The following TMOD2 variants were observed in gnomAD, a reference collection of about 807,000 sequenced individuals.
TMOD2 encodes the protein tropomodulin-2.
In TMOD2, 22 loss-of-function variants were observed where a neutral mutation model predicts 39.9. The ratio of observed to expected loss-of-function variants is 0.55; its 90% confidence interval spans 0.39 to 0.79. The LOEUF is 0.79. Ranked by LOEUF, TMOD2 falls within the 30% of genes least tolerant of loss-of-function variation. The pLI, the probability that TMOD2 is intolerant of heterozygous loss-of-function variation, is 0.00. For missense variants in TMOD2, 386 were observed against 413.3 expected, an observed-to-expected ratio of 0.93 and a Z score of 0.57; for synonymous variants, 123 against 146.1, an observed-to-expected ratio of 0.84 and a Z score of 1.14.
intron 7 of TMOD2, among the ~76,000 whole-genome samples, chr15:51,788,705 A>G (rs550317305): frequency 1.3e-4 from 20 of 152,356 alleles, no homozygotes; most frequent in Admixed American, 3.3e-4. Context: ...CCAATATTCA[A>G]CATTCTTAAA....
Position 51,798,264 on chromosome 15 carries a change from C to A in TMOD2, c.800C>A (p.Thr267Asn), listed in dbSNP as rs372480257. The A allele has an allele frequency of 3.7e-5, 60 of 1,613,666 alleles. No individual in the cohort carries two copies. In the Middle Eastern group the frequency reaches 8.2e-4, roughly 22 times the overall value. ...TSLNIESNFITGTGILALVEA... is the reference protein window; with the variant it reads ...TSLNIESNFINGTGILALVEA... The stretch of plus-strand genomic sequence containing the variant: ...CTAAACATAGAATCCAATTTTATCA[C>A]TGGAACTGGGATCCTGGCCCTGGTA... Residue 267 changes from threonine to asparagine, a missense_variant, in exon 8 of 10, where the codon ACT becomes AAT. Coordinates refer to ENST00000249700, the MANE Select transcript of TMOD2 (RefSeq NM_014548.4).
chr15:51,807,964 GT>G (rs2056131604), intron 9 of TMOD2, among the ~76,000 whole-genome samples: 1 of 152,186 alleles, frequency 6.6e-6, no homozygotes, highest in Non-Finnish European at 1.5e-5. Flanking sequence ...ATACTTAGAA[GT>G]TTTTATTTAG....
chr15:51,800,997 G>A (rs770379252), intron 8 of TMOD2, among the ~76,000 whole-genome samples: 6 of 152,072 alleles, frequency 3.9e-5, no homozygotes, highest in Non-Finnish European at 7.4e-5. Context: ...GAGCCCCACC[G>A]CGCCTAGCCT....
rs76634977 is a variant in TMOD2 at position 51,754,661 on chromosome 15, C to A, written c.-70+2949C>A. 8.1e-3 allele frequency among the ~76,000 whole-genome samples: 1,231 copies of A among 152,312 alleles called. 21 individuals carry two copies. The highest frequency in any genetic ancestry group is 0.028 in the African/African-American group (1,167 of 41,562). ...CTCTCAGTCAGTATTCCCCAAAATA[C>A]ATAGAATGTTAATGGGTTACAAGAA... On this transcript the variant is annotated intron_variant, in intron 1 of 9. Transcript: ENST00000249700.
intron 8 of TMOD2, among the ~76,000 whole-genome samples, chr15:51,803,584 G>A (rs2056104077): frequency 6.6e-6 from 1 of 152,140 alleles, no homozygotes; most frequent in Non-Finnish European, 1.5e-5. Flanking sequence ...GAAGAGTAGA[G>A]AGGCTTCCTA....
In TMOD2 at chr15:51,765,988, T is replaced by C. The variant is rs150020254; in HGVS notation, c.-69-385T>C. On this transcript the variant is annotated intron_variant, in intron 1 of 9. Coordinates refer to ENST00000249700, the MANE Select transcript of TMOD2 (RefSeq NM_014548.4). ...TGCATTGTTCTCCCCTGTTTTTCTATGGAGAGCCAGGGAAGGCAGAGTAGT... is the reference window on the plus strand; with the variant it reads ...TGCATTGTTCTCCCCTGTTTTTCTACGGAGAGCCAGGGAAGGCAGAGTAGT... Among the ~76,000 whole-genome samples, 259 of 152,340 alleles carry C rather than the reference T, an allele frequency of 1.7e-3. 10 individuals are homozygous for C. The highest frequency in any genetic ancestry group is 0.017 in the East Asian group (87 of 5,184).
chr15:51,753,506 C>T (rs979330532), intron 1 of TMOD2, among the ~76,000 whole-genome samples: 10 of 150,998 alleles, frequency 6.6e-5, no homozygotes, highest in African/African-American at 2.4e-4. Context: ...TCAAGTGATA[C>T]AATAGTGAAT....
At chr15:51,799,409 A>G (rs945758960) in intron 8 of TMOD2, among the ~76,000 whole-genome samples, 19 of 152,270 alleles carry the variant, frequency 1.2e-4, no homozygotes, top group African/African-American at 4.6e-4. Context: ...GGAAACCCTC[A>G]ACAGTTCCTA....
chr15:51,788,361 T>C (rs555686073), intron 7 of TMOD2, among the ~76,000 whole-genome samples: 13 of 152,188 alleles, frequency 8.5e-5, no homozygotes, highest in African/African-American at 3.1e-4. Flanking sequence ...CTCCAAGAAA[T>C]ATGGGAGTAT....
rs374026059 is a variant in TMOD2, at chr15:51,768,260, A to C, written c.127-2A>C. On this transcript the variant is annotated splice_acceptor_variant, in intron 2 of 9. Coordinates refer to ENST00000249700, the MANE Select transcript of TMOD2 (RefSeq NM_014548.4). LOFTEE classifies it high-confidence loss of function. ...TTCCTGCTCACACCTCTTTCTTGTC[A>C]GAGTGCCATGCTGCCAGCTGGATTT... The C allele has an allele frequency of 1.9e-6, 3 of 1,614,046 alleles. No individual in the cohort carries two copies. The highest frequency in any genetic ancestry group is 2.5e-6 in the Non-Finnish European group (3 of 1,179,934).
Position 51,772,484 on chromosome 15 carries a change from A to G in TMOD2, c.284-1228A>G, listed in dbSNP as rs534700301. ...CTGTGCCATCCTCCTGGGTATGGCA[A>G]TGTTATTTCATCAGTCCAGAAGTTT... On this transcript the variant is annotated intron_variant, in intron 3 of 9. Transcript: ENST00000249700. Among the ~76,000 whole-genome samples the G allele has an allele frequency of 1.5e-4, 23 of 152,252 alleles. 1 individual carries two copies. Among genetic ancestry groups the G allele is most frequent in the Admixed American group, 9.2e-4 (14 of 15,290 alleles).
At chr15:51,780,580 C>T (rs936828796) in intron 5 of TMOD2, among the ~76,000 whole-genome samples, 1 of 152,110 alleles carries the variant, frequency 6.6e-6, no homozygotes, top group African/African-American at 2.4e-5. Context: ...CCCATACCTT[C>T]CTTAAAACTA....
chr15:51,756,795 C>T (rs1050611094), intron 1 of TMOD2, among the ~76,000 whole-genome samples: 3 of 152,206 alleles, frequency 2.0e-5, no homozygotes, highest in African/African-American at 7.2e-5. Context: ...TCTCCTTATC[C>T]CGCCTCATTC....
intron 1 of TMOD2, among the ~76,000 whole-genome samples, chr15:51,757,968 T>C (rs1451462913): frequency 6.6e-6 from 1 of 151,380 alleles, no homozygotes; most frequent in African/African-American, 2.4e-5. Flanking sequence ...TCAAAGGAGG[T>C]GGGGGGAATA....
rs1298852523 is a variant in TMOD2 at position 51,813,606 on chromosome 15, C to A, written c.*5152C>A. The A allele has an allele frequency of 3.3e-5, 5 of 152,242 alleles. No individual in the cohort carries two copies. Among genetic ancestry groups the A allele is most frequent in the African/African-American group, 1.2e-4 (5 of 41,528 alleles). The allele number at this position is 152,242 out of a possible 1,614,324, so 9.4% of individuals were successfully genotyped here. A position where few individuals can be genotyped will look rare whatever the true frequency, so the allele number is the denominator to read the frequency against. ...CATGGGCAATTCATTCAATTGCCTG[C>A]CAATTATAGACTATATAGGGGGAAG... On this transcript the variant is annotated 3_prime_UTR_variant, in exon 10 of 10. Transcript: ENST00000249700.
In TMOD2 at chr15:51,751,866, G is replaced by A. The variant is rs564104318; in HGVS notation, c.-70+154G>A. 2.2e-3 allele frequency among the ~76,000 whole-genome samples: 331 copies of A among 149,642 alleles called. 1 individual carries two copies. Among genetic ancestry groups the A allele is most frequent in the African/African-American group, 7.7e-3 (316 of 41,122 alleles). Reference sequence around the variant, plus strand: ...CCGGGCGGGCGTGCAGAGCCGGGCCGCCTCTCGCCTCTCGCCTCCCGGCCC... The same window carrying A: ...CCGGGCGGGCGTGCAGAGCCGGGCCACCTCTCGCCTCTCGCCTCCCGGCCC... On this transcript the variant is annotated intron_variant, in intron 1 of 9. Transcript: ENST00000249700.
intron 7 of TMOD2, among the ~76,000 whole-genome samples, chr15:51,791,108 A>G (rs1371098352): frequency 1.3e-5 from 2 of 152,240 alleles, no homozygotes; most frequent in Non-Finnish European, 1.5e-5. Flanking sequence ...AGAAAACCCC[A>G]TAGTCTCAGC....
At chr15:51,776,694 G>T in intron 4 of TMOD2, among the ~76,000 whole-genome samples, 1 of 152,148 alleles carries the variant, frequency 6.6e-6, no homozygotes, top group East Asian at 1.9e-4. Context: ...CTGTTCCTCA[G>T]ATCCTAAATG....
chr15:51,772,590 G>A (rs2055860595), intron 3 of TMOD2, among the ~76,000 whole-genome samples: 4 of 152,204 alleles, frequency 2.6e-5, no homozygotes, highest in African/African-American at 7.2e-5. Context: ...CTGATAGGAT[G>A]AAATGGGAGA....
Sources: allele counts gnomAD v4.1 joint callset (sites outside exome capture counted in the v4.1 genomes callset), GRCh38; gene constraint gnomAD v4.1.1; transcripts MANE v1.5; gene names NCBI Gene and HGNC (gene_info 2026-07-23, HGNC 2026-07-21).